PIK3CG: variants seen among roughly 807,000 people sequenced by gnomAD.
The protein encoded by PIK3CG is phosphatidylinositol 4,5-bisphosphate 3-kinase catalytic subunit gamma isoform.
PIK3CG carries 55 observed loss-of-function variants against 102.3 expected under a neutral mutation model. The observed-to-expected ratio is 0.54, with a 90% CI of 0.43 to 0.67. The LOEUF (loss-of-function observed/expected upper bound fraction) is 0.67. Among genes scored for constraint, PIK3CG ranks in the 30% least tolerant of loss-of-function variants. PIK3CG has a pLI of 0.00. For missense variants in PIK3CG, 1,258 were observed against 1,391.8 expected (o/e 0.90, Z 1.53); for synonymous variants, 552 against 540.0 (o/e 1.02, Z -0.31).
At chr7:106,901,833 T>C (rs1791563819) in intron 10 of PIK3CG, among the ~76,000 whole-genome samples, 1 of 152,104 alleles carries the variant, frequency 6.6e-6, no homozygotes, top group Non-Finnish European at 1.5e-5. Flanking sequence ...GTTAGTGAGG[T>C]ATTTTTGGTG....
intron 1 of PIK3CG, among the ~76,000 whole-genome samples, chr7:106,866,838 C>T (rs555499015): frequency 6.6e-6 from 1 of 152,164 alleles, no homozygotes; most frequent in African/African-American, 2.4e-5. Context: ...GACTTGCTTT[C>T]CTAATTAGAA....
rs2116432954 is a variant in PIK3CG at position 106,868,186 on chromosome 7, G to T, written c.625G>T (p.Glu209Ter). 6.2e-7 allele frequency: 1 copy of T among 1,612,370 alleles called. No homozygotes were observed. The highest frequency in any genetic ancestry group is 8.5e-7 in the Non-Finnish European group (1 of 1,180,016). The part of the protein sequence containing the change: ...HPWVTSKPLP[E>*]YLWKKIANNC... The stretch of plus-strand genomic sequence containing the variant: ...GTGGGTGACGTCCAAGCCCCTCCCG[G>T]AGTACCTGTGGAAGAAGATTGCCAA... The change falls in exon 2 of 11, where the codon GAG (glutamate) becomes TAG (stop). Residue 209 changes from glutamate (E) to a stop codon, truncating the protein, a stop_gained. Transcript: ENST00000496166. LOFTEE classifies it high-confidence loss of function. This position sits in a 1 kb window ranked among gnomAD's most constrained non-coding sequence, Gnocchi z 6.2.
intron 10 of PIK3CG, among the ~76,000 whole-genome samples, 171 bp from the exon 11 acceptor site, chr7:106,904,938 A>C (rs565866401): frequency 1.3e-5 from 2 of 152,352 alleles, no homozygotes; most frequent in East Asian, 3.9e-4. Context: ...GAAGTATTTA[A>C]GAGATTATAA....
At chr7:106,900,648 G>A (rs1791523490) in intron 10 of PIK3CG, among the ~76,000 whole-genome samples, 1 of 152,180 alleles carries the variant, frequency 6.6e-6, no homozygotes, top group Non-Finnish European at 1.5e-5. Flanking sequence ...TTGCTTTACA[G>A]TGACACTGGT....
intron 10 of PIK3CG, among the ~76,000 whole-genome samples, chr7:106,901,012 G>GA (rs917036188): frequency 6.6e-6 from 1 of 152,070 alleles, no homozygotes; most frequent in African/African-American, 2.4e-5. Context: ...TTCGACCTTG[G>GA]AAAATCTGAT....
At position 106,902,058 on chromosome 7, in the gene PIK3CG, C is replaced by G. The variant is rs978512253; in HGVS notation, c.3031-3051C>G. 3.9e-5 allele frequency among the ~76,000 whole-genome samples: 6 copies of G among 152,146 alleles called. No individual in the cohort carries two copies. Among genetic ancestry groups the G allele is most frequent in the African/African-American group, 1.4e-4 (6 of 41,432 alleles). ...ATGCCCACTGCAGCTCTTGTGTAAT[C>G]TCAGTGTTTATGTTCCTTTCCCAAC... On this transcript the variant is annotated intron_variant, in intron 10 of 10. Coordinates refer to ENST00000496166, the MANE Select transcript of PIK3CG (RefSeq NM_001282426.2). The surrounding 1 kb of genome is among the most constrained non-coding windows in gnomAD (Gnocchi z 4.3).
Position 106,880,451 on chromosome 7 carries a change from GCCTTT to G in PIK3CG, c.2538+787_2538+791del, listed in dbSNP as rs1790898271. Among the ~76,000 whole-genome samples the G allele has an allele frequency of 6.6e-6, 1 of 151,774 alleles. No individual in the cohort carries two copies. Among genetic ancestry groups the G allele is most frequent in the African/African-American group, 2.4e-5 (1 of 41,312 alleles). ...AATACCTTTGCTTTGCCTTTGCTTT[GCCTTT>G]GCTTTGCTTTCAAGAATGATCTATG... On this transcript the variant is annotated intron_variant, in intron 6 of 10. Coordinates refer to ENST00000496166, the MANE Select transcript of PIK3CG (RefSeq NM_001282426.2). The surrounding 1 kb of genome is among the most constrained non-coding windows in gnomAD (Gnocchi z 4.2).
chr7:106,866,005 A>G (rs17400804), intron 1 of PIK3CG, among the ~76,000 whole-genome samples: 10,961 of 152,330 alleles, frequency 0.072, 505 homozygotes, highest in Middle Eastern at 0.14. Flanking sequence ...TCTTTGGGAC[A>G]GTTGGTTTCA....
At chr7:106,870,885 C>T (rs889743575) in intron 2 of PIK3CG, among the ~76,000 whole-genome samples, 2 of 152,098 alleles carry the variant, frequency 1.3e-5, no homozygotes, top group Admixed American at 1.3e-4. Context: ...ATTTGTATAA[C>T]ACTAAAGAAT....
chr7:106,883,149 C>G lies in PIK3CG; in HGVS notation c.2746C>G (p.Pro916Ala), dbSNP rs1463689645. Residue 916 changes from proline to alanine, a missense_variant, in exon 8 of 11, where the codon CCT (proline) becomes GCT (alanine). This residue lies in a region of PIK3CG where 426 missense variants were observed against 604.2 expected (regional missense o/e 0.71). Transcript: ENST00000496166. This position sits in a 1 kb window ranked among gnomAD's most constrained non-coding sequence, Gnocchi z 5.8. Reference protein sequence around the residue: ...VLNHWLKEKSPTEEKFQAAVE... With the variant: ...VLNHWLKEKSATEEKFQAAVE... ...GAATCACTGGCTCAAAGAAAAATCC[C>G]CTACTGAAGAAAAGGTGAGCTCATG... is the stretch of plus-strand genomic sequence containing the variant. 5 of 1,613,980 alleles carry G rather than the reference C, an allele frequency of 3.1e-6. No homozygotes were observed. The highest frequency in any genetic ancestry group is 4.2e-6 in the Non-Finnish European group (5 of 1,179,994).
At position 106,879,951 on chromosome 7, in the gene PIK3CG, T is replaced by C. The variant is rs1328492671; in HGVS notation, c.2538+286T>C. On this transcript the variant is annotated intron_variant, in intron 6 of 10. Transcript: ENST00000496166. This position sits in a 1 kb window ranked among gnomAD's most constrained non-coding sequence, Gnocchi z 4.9. The stretch of plus-strand genomic sequence containing the variant: ...CTTTTTTATACACCCCATTCTAAGC[T>C]TGATAACATAGAAAATAGCCATATT... 6.6e-6 allele frequency among the ~76,000 whole-genome samples: 1 copy of C among 152,198 alleles called. No homozygotes were observed. The highest frequency in any genetic ancestry group is 2.4e-5 in the African/African-American group (1 of 41,444).
chr7:106,880,168 A>G lies in PIK3CG; in HGVS notation c.2538+503A>G, dbSNP rs911135753. 6.6e-6 allele frequency among the ~76,000 whole-genome samples: 1 copy of G among 152,234 alleles called. No homozygotes were observed. Among genetic ancestry groups the G allele is most frequent in the Non-Finnish European group, 1.5e-5 (1 of 68,034 alleles). On this transcript the variant is annotated intron_variant, in intron 6 of 10. Transcript: ENST00000496166. This position sits in a 1 kb window ranked among gnomAD's most constrained non-coding sequence, Gnocchi z 4.2. Reference sequence around the variant, plus strand: ...CAAGAGTGAAGTACTGTTAGGGCAGAAGGTGAATGGTCAATATATCAGTGC... The same window carrying G: ...CAAGAGTGAAGTACTGTTAGGGCAGGAGGTGAATGGTCAATATATCAGTGC...
chr7:106,876,016 G>A (rs1220931888), intron 5 of PIK3CG, among the ~76,000 whole-genome samples: 3 of 147,120 alleles, frequency 2.0e-5, no homozygotes, highest in Admixed American at 1.4e-4. Flanking sequence ...CCGGGTTCAC[G>A]CCATTCTCCT....
chr7:106,871,951 G>C (rs1033209182), intron 2 of PIK3CG, among the ~76,000 whole-genome samples: 3 of 152,220 alleles, frequency 2.0e-5, no homozygotes, highest in Admixed American at 6.5e-5. Flanking sequence ...CAGTGTGGCA[G>C]AGGGTAGTGA....
intron 2 of PIK3CG, among the ~76,000 whole-genome samples, chr7:106,870,556 A>AG (rs1790499470): frequency 6.6e-6 from 1 of 152,254 alleles, no homozygotes; most frequent in South Asian, 2.1e-4. Flanking sequence ...CAAATACTTT[A>AG]GGGAAAACTA....
At chr7:106,870,759 G>A (rs1302921972) in intron 2 of PIK3CG, among the ~76,000 whole-genome samples, 5 of 152,068 alleles carry the variant, frequency 3.3e-5, no homozygotes, top group African/African-American at 1.2e-4. Context: ...TAAGCATTTT[G>A]GATAGCCTCA....
At position 106,869,063 on chromosome 7, in the gene PIK3CG, A is replaced by G. The variant is rs2116456816; in HGVS notation, c.1502A>G (p.Lys501Arg). The G allele has an allele frequency of 6.2e-7, 1 of 1,614,188 alleles. No homozygotes were observed. Among genetic ancestry groups the G allele is most frequent in the Non-Finnish European group, 8.5e-7 (1 of 1,180,026 alleles). The change falls in exon 2 of 11, where the codon AAA (lysine) becomes AGA (arginine). Residue 501 changes from lysine (K) to arginine (R), a missense_variant. Around this residue, in one of 2 missense-constraint regions of PIK3CG, gnomAD observed 832 missense variants for 787.5 expected, o/e 1.06. Transcript: ENST00000496166. This position sits in a 1 kb window ranked among gnomAD's most constrained non-coding sequence, Gnocchi z 5.3. ...GACCAAGGAAGCTTCAATGCTGACA[A>G]ACTCACGTCTGCAACTAACCCAGAC... ...GEDQGSFNAD[K>R]LTSATNPDKE...
At position 106,882,409 on chromosome 7, in the gene PIK3CG, G is replaced by A. The variant is rs182065069; in HGVS notation, c.2629+202G>A. 62 of 352,142 alleles carry A rather than the reference G, an allele frequency of 1.8e-4. No homozygotes were observed. In the Admixed American group the frequency reaches 2.5e-3, roughly 14 times the overall value. 21.8% of individuals were successfully genotyped at this position (352,142 alleles called of 1,614,324 possible). Reference sequence around the variant, plus strand: ...ACATGAATGCATGATTCAAATCCCTGTGACTATACATGGAAATGATTTTAG... The same window carrying A: ...ACATGAATGCATGATTCAAATCCCTATGACTATACATGGAAATGATTTTAG... On this transcript the variant is annotated intron_variant, in intron 7 of 10. Transcript: ENST00000496166.
Position 106,880,492 on chromosome 7 carries a change from G to T in PIK3CG, c.2538+827G>T, listed in dbSNP as rs987059153. Reference sequence around the variant, plus strand: ...CAAGAATGATCTATGTTTTGTCCAGGAGGTATTTTAGAAAAGAAAAAGAGA... The same window carrying T: ...CAAGAATGATCTATGTTTTGTCCAGTAGGTATTTTAGAAAAGAAAAAGAGA... On this transcript the variant is annotated intron_variant, in intron 6 of 10. Coordinates refer to ENST00000496166, the MANE Select transcript of PIK3CG (RefSeq NM_001282426.2). The surrounding 1 kb of genome is among the most constrained non-coding windows in gnomAD (Gnocchi z 4.2). Among the ~76,000 whole-genome samples, 1 of 152,102 alleles carries T rather than the reference G, an allele frequency of 6.6e-6. No homozygotes were observed. The highest frequency in any genetic ancestry group is 2.4e-5 in the African/African-American group (1 of 41,416).
Sources: gnomAD v4.1 joint callset for allele counts (sites outside exome capture counted in the v4.1 genomes callset) on GRCh38, gnomAD v4.1.1 for gene constraint, gnomAD v4.1.1 regional missense constraint, Gnocchi (gnomAD v3.1) non-coding constraint, MANE v1.5 for transcripts, NCBI Gene and HGNC (gene_info 2026-07-23, HGNC 2026-07-21) for gene names.